ESRRB: variants seen among roughly 807,000 people sequenced by gnomAD.
ESRRB encodes estrogen related receptor beta, also known as steroid hormone receptor ERR2.
A neutral mutation model predicts 46.0 loss-of-function variants in ESRRB; 16 were observed. The observed-to-expected ratio is 0.35, with a 90% CI of 0.24 to 0.53. The LOEUF (loss-of-function observed/expected upper bound fraction) is 0.53, where lower values mean the gene tolerates loss of function less well. Ranked by LOEUF, ESRRB falls within the 20% of genes least tolerant of loss-of-function variation. The probability of loss-of-function intolerance (pLI) is 0.93; values close to 1 mark genes in which losing one functional copy is unlikely to be tolerated. For missense variants in ESRRB, 488 were observed against 607.4 expected (o/e 0.80, Z 2.07); for synonymous variants, 246 against 259.6 (o/e 0.95, Z 0.50).
chr14:76,493,227 T>C (rs960619318), intron 6 of ESRRB, among the ~76,000 whole-genome samples: 3 of 152,184 alleles, frequency 2.0e-5, no homozygotes, highest in Non-Finnish European at 4.4e-5. Flanking sequence ...CAATCTCGGC[T>C]CACTGCAACC....
At chr14:76,332,219 C>T (rs1884021673) in intron 1 of ESRRB, among the ~76,000 whole-genome samples, 1 of 151,400 alleles carries the variant, frequency 6.6e-6, no homozygotes, top group Non-Finnish European at 1.5e-5. Context: ...CTGCAGGGAA[C>T]CAAGTTAGAA....
At chr14:76,374,159 A>G (rs1216641254), upstream of ESRRB, among the ~76,000 whole-genome samples, 1 of 152,162 alleles carries the variant, frequency 6.6e-6, no homozygotes, top group Non-Finnish European at 1.5e-5. Flanking sequence ...CAAAATCTTC[A>G]TCAAGCAACT....
At chr14:76,403,491 T>A (rs1886029677) in intron 1 of ESRRB, among the ~76,000 whole-genome samples, 1 of 152,166 alleles carries the variant, frequency 6.6e-6, no homozygotes, top group Non-Finnish European at 1.5e-5. Flanking sequence ...GGAGGAAGTA[T>A]AATACTGTTA....
chr14:76,389,664 C>T (rs1023111745), intron 1 of ESRRB, among the ~76,000 whole-genome samples: 2 of 152,164 alleles, frequency 1.3e-5, no homozygotes, highest in South Asian at 4.1e-4. Context: ...GAATTGAAAT[C>T]CTGGTCCCAA....
At chr14:76,416,696 T>C (rs1886719882) in intron 1 of ESRRB, among the ~76,000 whole-genome samples, 1 of 151,716 alleles carries the variant, frequency 6.6e-6, no homozygotes, top group Non-Finnish European at 1.5e-5. Flanking sequence ...CTCGAACTCC[T>C]GACCTCAGGT....
intron 1 of ESRRB, among the ~76,000 whole-genome samples, chr14:76,325,575 G>A (rs992485244): frequency 3.9e-5 from 6 of 152,076 alleles, no homozygotes; most frequent in African/African-American, 1.4e-4. Flanking sequence ...TGAAGTAGGT[G>A]GTATCTCCAG....
chr14:76,481,801 G>A (rs115738972), intron 3 of ESRRB, among the ~76,000 whole-genome samples: 1 of 152,280 alleles, frequency 6.6e-6, no homozygotes, highest in African/African-American at 2.4e-5. Flanking sequence ...AGAGAGACAG[G>A]ACCAGGCCTG....
At chr14:76,338,590 G>A (rs985057695) in intron 1 of ESRRB, among the ~76,000 whole-genome samples, 23 of 152,208 alleles carry the variant, frequency 1.5e-4, no homozygotes, top group East Asian at 5.8e-4. Flanking sequence ...CCCTCCTTTC[G>A]AAGAGAGGGG....
intron 2 of ESRRB, among the ~76,000 whole-genome samples, chr14:76,445,017 T>A (rs72731661): frequency 0.099 from 14,996 of 151,456 alleles, 1,299 homozygotes; most frequent in African/African-American, 0.23. Context: ...ATAAATTTTT[T>A]AAAAATTAGC....
chr14:76,327,325 GAA>G (rs1482326642), intron 1 of ESRRB, among the ~76,000 whole-genome samples: 2 of 152,218 alleles, frequency 1.3e-5, no homozygotes, highest in East Asian at 3.8e-4. Flanking sequence ...GGAAACTCCT[GAA>G]AAGTGTCTAT....
At chr14:76,373,557 C>A (rs1884673568), upstream of ESRRB, among the ~76,000 whole-genome samples, 1 of 152,176 alleles carries the variant, frequency 6.6e-6, no homozygotes, top group Non-Finnish European at 1.5e-5. Context: ...CAGTGTGGGA[C>A]CTAGGCAAGT....
chr14:76,447,273 C>CCTTT (rs1888191829), intron 2 of ESRRB, among the ~76,000 whole-genome samples: 2 of 123,852 alleles, frequency 1.6e-5, no homozygotes, highest in South Asian at 5.5e-4. Context: ...TTCCTTCCTT[C>CCTTT]CTTCCTTCCT....
chr14:76,423,792 G>A (rs7149044), intron 1 of ESRRB, among the ~76,000 whole-genome samples: 119 of 152,280 alleles, frequency 7.8e-4, no homozygotes, highest in African/African-American at 2.8e-3. Context: ...GAAAGCCTCT[G>A]CCATCATATA....
chr14:76,464,502 C>T (rs965794395), intron 3 of ESRRB, among the ~76,000 whole-genome samples: 3 of 152,194 alleles, frequency 2.0e-5, no homozygotes, highest in Admixed American at 1.3e-4. Flanking sequence ...AGCAGGCCCT[C>T]GGCGGCCTTT....
At chr14:76,396,199 C>T (rs992733677) in intron 1 of ESRRB, among the ~76,000 whole-genome samples, 3 of 142,292 alleles carry the variant, frequency 2.1e-5, no homozygotes, top group African/African-American at 5.1e-5. Context: ...AAAACAAAAA[C>T]AAAAAACAAA....
chr14:76,325,948 GC>G (rs1002466939), intron 1 of ESRRB, among the ~76,000 whole-genome samples: 4 of 152,270 alleles, frequency 2.6e-5, no homozygotes, highest in Admixed American at 2.6e-4. Flanking sequence ...ACAGGCTGCA[GC>G]CCCCCAGCCC....
At chr14:76,377,737 A>G (rs896343656) in intron 1 of ESRRB, among the ~76,000 whole-genome samples, 2 of 151,798 alleles carry the variant, frequency 1.3e-5, no homozygotes, top group Non-Finnish European at 2.9e-5. Context: ...CCCAGGAAGT[A>G]CCTAACCCCT....
In ESRRB at chr14:76,347,560, T is replaced by TA; in HGVS notation, c.2+36645dup. On this transcript the variant is annotated intron_variant, in intron 1 of 6. Coordinates refer to the ESRRB transcript ENST00000512784. The stretch of plus-strand genomic sequence containing the variant: ...CCAGTGCCTGCAACAGTGCATGTCA[T>TA]AGACACTGAAATAGCTCACTTAATC... 2.0e-5 allele frequency among the ~76,000 whole-genome samples: 2 copies of TA among 100,310 alleles called. 1 individual carries two copies. The highest frequency in any genetic ancestry group is 6.0e-4 in the East Asian group (2 of 3,332). 65.8% of individuals were successfully genotyped at this position (100,310 alleles called of 152,430 possible). A position where few individuals can be genotyped will look rare whatever the true frequency, so the allele number is the denominator to read the frequency against.
At chr14:76,412,439 C>T (rs1465622733) in intron 1 of ESRRB, among the ~76,000 whole-genome samples, 2 of 152,112 alleles carry the variant, frequency 1.3e-5, no homozygotes, top group African/African-American at 2.4e-5. Context: ...CTTTCTTTAC[C>T]CCTCTACCTC....
Sources: allele counts gnomAD v4.1 joint callset (sites outside exome capture counted in the v4.1 genomes callset), GRCh38; gene constraint gnomAD v4.1.1; transcripts MANE v1.5; gene names NCBI Gene and HGNC (gene_info 2026-07-23, HGNC 2026-07-21).